Variants in NUFIP1 observed in about 807,000 individuals in gnomAD.
NUFIP1 encodes nuclear FMR1 interacting protein 1.
Under a neutral mutation model 56.2 loss-of-function variants are expected in NUFIP1, and 38 were observed. The observed-to-expected ratio is 0.68, with a 90% confidence interval of 0.52 to 0.89. The LOEUF (loss-of-function observed/expected upper bound fraction) is 0.89, where lower values mean the gene tolerates loss of function less well. Among genes scored for constraint, NUFIP1 ranks in the 40% least tolerant of loss-of-function variants. NUFIP1 has a pLI of 0.00. For synonymous variants in NUFIP1, 215 were observed against 212.4 expected, an observed-to-expected ratio of 1.01 and a Z score of -0.10; for missense variants, 567 against 605.8, an observed-to-expected ratio of 0.94 and a Z score of 0.67.
At chr13:44,979,160 G>A (rs1413712338) in intron 5 of NUFIP1, 30 bp downstream of exon 5, 7 of 1,538,850 alleles carry the variant, frequency 4.5e-6, no homozygotes, top group African/African-American at 1.4e-5. Context: ...CAGTAAAACA[G>A]TTATTTCACC....
At chr13:44,966,244 CCA>C (rs1871596847) in intron 5 of NUFIP1, among the ~76,000 whole-genome samples, 1 of 152,086 alleles carries the variant, frequency 6.6e-6, no homozygotes, top group Non-Finnish European at 1.5e-5. Context: ...TGGCATGTAC[CCA>C]TAAATACTGT....
At position 44,941,336 on chromosome 13, in the gene NUFIP1, TA is replaced by T; in HGVS notation, c.1372-15del. On this transcript the variant is annotated splice_polypyrimidine_tract_variant and intron_variant, in intron 9 of 9. Transcript: ENST00000379161. ...CGGAGCTAGAAGCTAAAACACAATT[TA>T]AAAAAAGATGAGGTAGTAAATAAAT... is the stretch of plus-strand genomic sequence containing the variant. 1 of 1,469,392 alleles carries T rather than the reference TA, an allele frequency of 6.8e-7. No homozygotes were observed. The highest frequency in any genetic ancestry group is 9.4e-7 in the Non-Finnish European group (1 of 1,060,968). 91.0% of individuals were successfully genotyped at this position (1,469,392 alleles called of 1,614,324 possible). A position where few individuals can be genotyped will look rare whatever the true frequency, so the allele number is the denominator to read the frequency against.
intron 5 of NUFIP1, among the ~76,000 whole-genome samples, chr13:44,970,862 G>A (rs1439774965): frequency 1.3e-5 from 2 of 152,038 alleles, no homozygotes; most frequent in Non-Finnish European, 1.5e-5. Context: ...TTTTAGTAGA[G>A]ATAGGGTTTC....
chr13:44,941,363 T>C (rs753256261), intron 9 of NUFIP1, 41 bp from the exon 10 acceptor site: 8 of 1,173,334 alleles, frequency 6.8e-6, no homozygotes, highest in Non-Finnish European at 7.5e-6. Context: ...GTAAATAAAT[T>C]ATATCTGGGA....
At chr13:44,971,733 GA>G (rs757788909) in intron 5 of NUFIP1, among the ~76,000 whole-genome samples, 12 of 152,290 alleles carry the variant, frequency 7.9e-5, no homozygotes, top group Non-Finnish European at 1.0e-4. Context: ...GAAAAGGGGG[GA>G]AACTAGGCTA....
intron 8 of NUFIP1, among the ~76,000 whole-genome samples, chr13:44,947,190 C>G (rs1433396416): frequency 6.6e-6 from 1 of 151,176 alleles, no homozygotes; most frequent in Admixed American, 6.6e-5. Context: ...AGACTCCAAA[C>G]CTATATGTCA....
intron 5 of NUFIP1, 37 bp from the exon 6 acceptor site, chr13:44,965,973 T>A: frequency 1.6e-6 from 2 of 1,255,070 alleles, no homozygotes; most frequent in South Asian, 3.0e-5. Context: ...ATAGGGCTTT[T>A]AGAGTACAAT....
At chr13:44,943,292 G>C in intron 9 of NUFIP1, 150 bp downstream of exon 9, 1 of 627,512 alleles carries the variant, frequency 1.6e-6, no homozygotes, top group Non-Finnish European at 2.8e-6. Context: ...GCCAAATGTA[G>C]CTACAGAATT....
chr13:44,961,897 A>G (rs1250226016), intron 6 of NUFIP1, among the ~76,000 whole-genome samples: 1 of 152,242 alleles, frequency 6.6e-6, no homozygotes, highest in Non-Finnish European at 1.5e-5. Flanking sequence ...AATGACATCT[A>G]TAAGACTTAA....
chr13:44,976,272 CA>C (rs1871972139), intron 5 of NUFIP1, among the ~76,000 whole-genome samples: 1 of 148,982 alleles, frequency 6.7e-6, no homozygotes, highest in African/African-American at 2.5e-5. Context: ...CTGCTCTATG[CA>C]AAAAATGAAA....
rs115794259 is a variant in NUFIP1, at chr13:44,943,485, G to T, written c.1328C>A (p.Thr443Lys). The change falls in exon 9 of 10, where the codon ACG becomes AAG. Residue 443 changes from threonine to lysine, a missense_variant. Transcript: ENST00000379161. ...ATGGTGTGTTCTTGGTTCGAATAAC[G>T]TTTGATAGTTGTGATAATCTTTTTT... ...KRKKDYHNYQ[T>K]LFEPRTHHPY... 1.2e-6 allele frequency: 2 copies of T among 1,613,880 alleles called. No individual in the cohort carries two copies. Among genetic ancestry groups the T allele is most frequent in the Non-Finnish European group, 1.7e-6 (2 of 1,179,968 alleles).
intron 5 of NUFIP1, among the ~76,000 whole-genome samples, chr13:44,969,511 C>T (rs1871730279): frequency 6.6e-6 from 1 of 152,084 alleles, no homozygotes; most frequent in African/African-American, 2.4e-5. Flanking sequence ...TTATAAAGAC[C>T]GTGACAAGGG....
Position 44,989,277 on chromosome 13 carries a change from G to A in NUFIP1, c.160C>T (p.Leu54Phe). ...PPPPPPLTSS[L>F]PAAGSKPSSE... ...GAAGGCTTTGACCCGGCTGCGGGAAGCGAGGACGTAAGTGGTGGTGGCGGT... is the reference window on the plus strand; with the variant it reads ...GAAGGCTTTGACCCGGCTGCGGGAAACGAGGACGTAAGTGGTGGTGGCGGT... The change falls in exon 1 of 10, where the codon CTT (leucine) becomes TTT (phenylalanine). Residue 54 changes from leucine to phenylalanine, a missense_variant. Physicochemically the swap from Leu to Phe is conservative, Grantham distance 22 (BLOSUM62 0). Transcript: ENST00000379161. 4 of 1,613,626 alleles carry A rather than the reference G, an allele frequency of 2.5e-6. No individual in the cohort carries two copies. Among genetic ancestry groups the A allele is most frequent in the Non-Finnish European group, 3.4e-6 (4 of 1,179,896 alleles).
intron 1 of NUFIP1, among the ~76,000 whole-genome samples, 164 bp downstream of exon 1, chr13:44,988,861 A>AT (rs913114163): frequency 2.0e-5 from 3 of 151,710 alleles, no homozygotes; most frequent in South Asian, 2.1e-4. Context: ...GGCTAATTTT[A>AT]TTTTTTTTGT....
At position 44,982,120 on chromosome 13, in the gene NUFIP1, T is replaced by C; in HGVS notation, c.447A>G (p.Ala149=). ...GAGGTAAGCTGAAGTCTGTGAATTT[T>C]GCATCATACTTTCGTGGATAATAAG... ...KNSYYPRKYD[A]KFTDFSLPPS... Residue 149 remains alanine, a synonymous_variant, in exon 2 of 10, where the codon GCA becomes GCG. Transcript: ENST00000379161. 1 of 1,508,212 alleles carries C rather than the reference T, an allele frequency of 6.6e-7. No homozygotes were observed. Among genetic ancestry groups the C allele is most frequent in the Non-Finnish European group, 8.9e-7 (1 of 1,129,538 alleles). 93.4% of individuals were successfully genotyped at this position (1,508,212 alleles called of 1,614,324 possible).
intron 3 of NUFIP1, among the ~76,000 whole-genome samples, chr13:44,980,255 A>G (rs1185332060): frequency 6.6e-6 from 1 of 152,252 alleles, no homozygotes; most frequent in African/African-American, 2.4e-5. Context: ...CAAAAACAGA[A>G]AAAGAACCTT....
Position 44,967,477 on chromosome 13 carries a change from C to T in NUFIP1, c.735-1541G>A, listed in dbSNP as rs1049997991. On this transcript the variant is annotated intron_variant, in intron 5 of 9. Coordinates refer to ENST00000379161, the MANE Select transcript of NUFIP1 (RefSeq NM_012345.3). ...GAGCTGAGATCACGCCACTGCACTT[C>T]AGCCTGGGCGACACAGAAAGACTCT... Among the ~76,000 whole-genome samples, 4 of 151,846 alleles carry T rather than the reference C, an allele frequency of 2.6e-5. No homozygotes were observed. The East Asian group carries it at 7.7e-4, about 29-fold the overall frequency.
At position 44,989,451 on chromosome 13, in the gene NUFIP1, C is replaced by T. The variant is rs1353363412; in HGVS notation, c.-15G>A. The T allele has an allele frequency of 2.5e-6, 4 of 1,610,930 alleles. No homozygotes were observed. In the Admixed American group the frequency reaches 6.7e-5, roughly 27 times the overall value. On this transcript the variant is annotated 5_prime_UTR_variant, in exon 1 of 10. Coordinates refer to ENST00000379161, the MANE Select transcript of NUFIP1 (RefSeq NM_012345.3). ...GGCTCAGCCATACCACTGGCGGGTC[C>T]GGAGTCTAGCACGCGACTGTGGAGC...
intron 6 of NUFIP1, among the ~76,000 whole-genome samples, chr13:44,964,284 T>C (rs547320362): frequency 6.6e-6 from 1 of 152,226 alleles, no homozygotes; most frequent in African/African-American, 2.4e-5. Flanking sequence ...AAGACACCAT[T>C]AAGAACTTCT....
Sources: allele counts gnomAD v4.1 joint callset (sites outside exome capture counted in the v4.1 genomes callset), GRCh38; gene constraint gnomAD v4.1.1; transcripts MANE v1.5; gene names NCBI Gene and HGNC (gene_info 2026-07-23, HGNC 2026-07-21).